The following PPM1B variants were observed in gnomAD, a reference collection of about 807,000 sequenced individuals.
PPM1B encodes protein phosphatase, Mg2+/Mn2+ dependent 1B.
PPM1B carries 22 observed loss-of-function variants against 43.0 expected under a neutral mutation model. The observed-to-expected ratio is 0.51, with a 90% CI of 0.37 to 0.73. PPM1B has a LOEUF of 0.73. PPM1B is among the 30% of genes least tolerant of loss of function. The pLI is 0.00. For missense variants in PPM1B, 632 were observed against 584.2 expected (o/e 1.08, Z -0.84); for synonymous variants, 217 against 197.9 (o/e 1.10, Z -0.81).
chr2:44,235,125 A>G (rs1408982382), downstream of PPM1B, among the ~76,000 whole-genome samples: 1 of 152,196 alleles, frequency 6.6e-6, no homozygotes, highest in Non-Finnish European at 1.5e-5. Context: ...GTGAAATCGG[A>G]AAGTTTATTA....
Position 44,201,999 on chromosome 2 carries a change from A to C in PPM1B, c.800A>C (p.Asp267Ala). ...YVKSRLEVSD[D>A]LENVCNWVVD... ...AAATCTAGGCTTGAGGTATCTGATG[A>C]CCTGGAAAATGTGTGCAATTGGGTA... The change falls in exon 2 of 6, where the codon GAC becomes GCC. Residue 267 changes from aspartate to alanine, a missense_variant. Physicochemically the swap from Asp to Ala is moderately radical, Grantham distance 126. This residue lies in a region of PPM1B where 392 missense variants were observed against 302.7 expected (regional missense o/e 1.29). Coordinates refer to ENST00000282412, the MANE Select transcript of PPM1B (RefSeq NM_002706.6). The surrounding 1 kb of genome is among the most constrained non-coding windows in gnomAD (Gnocchi z 5.4). The C allele has an allele frequency of 6.2e-7, 1 of 1,610,578 alleles. No homozygotes were observed. Among genetic ancestry groups the C allele is most frequent in the Non-Finnish European group, 8.5e-7 (1 of 1,178,198 alleles).
At chr2:44,188,912 G>GT in intron 1 of PPM1B, among the ~76,000 whole-genome samples, 1 of 151,754 alleles carries the variant, frequency 6.6e-6, no homozygotes, top group East Asian at 1.9e-4. Context: ...GCCAATTTGG[G>GT]TTTTTTGTTG....
intron 5 of PPM1B, among the ~76,000 whole-genome samples, chr2:44,225,901 C>T (rs1190894395): frequency 6.6e-6 from 1 of 151,960 alleles, no homozygotes; most frequent in Non-Finnish European, 1.5e-5. Flanking sequence ...AGTGATCCAC[C>T]TACCTCGGCC....
At chr2:44,244,288 A>T (rs1402453142) in exon 6 of PPM1B, 1 of 1,360,634 alleles carries the variant, frequency 7.3e-7, no homozygotes, top group Non-Finnish European at 9.8e-7. Flanking sequence ...CAAGAAAGGC[A>T]GTGGCTGGCA....
At chr2:44,234,121 G>GGTTGGCATATTTC (rs1558435594), downstream of PPM1B, 2 of 966,224 alleles carry the variant, frequency 2.1e-6, no homozygotes, top group East Asian at 2.3e-4. Flanking sequence ...CTTCTTATAT[G>GGTTGGCATATTTC]GTTGGCATAT....
intron 1 of PPM1B, among the ~76,000 whole-genome samples, chr2:44,200,139 A>G (rs1668865536): frequency 6.6e-6 from 1 of 152,176 alleles, no homozygotes; most frequent in Non-Finnish European, 1.5e-5. Context: ...TATGGTGTTT[A>G]TTGTGTTTTA....
At chr2:44,217,917 A>G (rs974324082) in intron 3 of PPM1B, 50 bp from the exon 4 acceptor site, 1 of 1,103,386 alleles carries the variant, frequency 9.1e-7, no homozygotes, top group East Asian at 2.7e-5. Flanking sequence ...CTTCTTGGTG[A>G]GTACTGGCTT....
At chr2:44,225,699 G>A (rs915892762) in intron 5 of PPM1B, among the ~76,000 whole-genome samples, 1 of 151,914 alleles carries the variant, frequency 6.6e-6, no homozygotes, top group Non-Finnish European at 1.5e-5. Context: ...CCCTGTCACC[G>A]AGGCTGTAAT....
intron 5 of PPM1B, among the ~76,000 whole-genome samples, chr2:44,221,000 G>GAGACC (rs1384268438): frequency 2.6e-5 from 4 of 152,318 alleles, no homozygotes; most frequent in African/African-American, 9.6e-5. Flanking sequence ...TACTTGCTAA[G>GAGACC]AGACCAGCCT....
At chr2:44,232,761 C>T, downstream of PPM1B, 1 of 988,838 alleles carries the variant, frequency 1.0e-6, no homozygotes, top group Non-Finnish European at 1.2e-6. Flanking sequence ...ATGATATGTT[C>T]CTTTTTTCAG....
intron 2 of PPM1B, among the ~76,000 whole-genome samples, chr2:44,205,406 T>G (rs1413786622): frequency 7.1e-6 from 1 of 141,782 alleles, no homozygotes; most frequent in Non-Finnish European, 1.6e-5. Context: ...TCGGTTTTCA[T>G]GGTCTGAGAA....
In PPM1B at chr2:44,225,415, A is replaced by C. The variant is rs140576065; in HGVS notation, c.1135-4998A>C. The stretch of plus-strand genomic sequence containing the variant: ...TAGGTTTCTCTTCTAATATTAATGA[A>C]AGCCCATGAGAGAGTTACATAACAG... On this transcript the variant is annotated intron_variant, in intron 5 of 5. Transcript: ENST00000282412. 4.4e-3 allele frequency among the ~76,000 whole-genome samples: 666 copies of C among 152,304 alleles called. 7 individuals carry two copies. Among genetic ancestry groups the C allele is most frequent in the African/African-American group, 0.015 (604 of 41,576 alleles).
intron 1 of PPM1B, among the ~76,000 whole-genome samples, chr2:44,194,151 T>A (rs969191581): frequency 1.3e-5 from 2 of 152,194 alleles, no homozygotes; most frequent in East Asian, 3.8e-4. Flanking sequence ...GATTCCTTTT[T>A]CTTTGTTTGA....
At position 44,202,011 on chromosome 2, in the gene PPM1B, T is replaced by C. The variant is rs778985036; in HGVS notation, c.812T>C (p.Val271Ala). Residue 271 changes from valine (V) to alanine (A), a missense_variant, in exon 2 of 6, where the codon GTG becomes GCG. This residue lies in a region of PPM1B where 392 missense variants were observed against 302.7 expected (regional missense o/e 1.29). Coordinates refer to ENST00000282412, the MANE Select transcript of PPM1B (RefSeq NM_002706.6). ...RLEVSDDLEN[V>A]CNWVVDTCLH... is the part of the protein sequence containing the mutation. ...GAGGTATCTGATGACCTGGAAAATG[T>C]GTGCAATTGGGTAGTGGACACTTGT... 11 of 1,607,540 alleles carry C rather than the reference T, an allele frequency of 6.8e-6. No homozygotes were observed. The South Asian group carries it at 7.8e-5, about 11-fold the overall frequency.
chr2:44,195,400 T>C (rs889413401), intron 1 of PPM1B, among the ~76,000 whole-genome samples: 1 of 152,004 alleles, frequency 6.6e-6, no homozygotes, highest in Admixed American at 6.6e-5. Flanking sequence ...TTGGTAGAGA[T>C]AGGGTCTTGC....
intron 2 of PPM1B, 21 bp from the exon 3 acceptor site, chr2:44,209,189 T>C (rs1432753303): frequency 6.5e-7 from 1 of 1,533,880 alleles, no homozygotes; most frequent in Non-Finnish European, 8.8e-7. Flanking sequence ...ATTTTTTTTC[T>C]TTTTTTTCTT....
intron 1 of PPM1B, among the ~76,000 whole-genome samples, chr2:44,185,504 A>T (rs988607884): frequency 1.3e-5 from 2 of 152,160 alleles, no homozygotes; most frequent in African/African-American, 4.8e-5. Context: ...TTTATGAACT[A>T]TATTTTTCTT....
chr2:44,232,476 A>G, downstream of PPM1B: 1 of 1,526,928 alleles, frequency 6.5e-7, no homozygotes. Flanking sequence ...GCAGAAAATC[A>G]TTAGCATTTC....
chr2:44,178,736 C>A (rs998574971), intron 1 of PPM1B, among the ~76,000 whole-genome samples: 2 of 151,968 alleles, frequency 1.3e-5, no homozygotes, highest in Non-Finnish European at 2.9e-5. Flanking sequence ...TCCCAAAGTG[C>A]TGGGATTACA....
Sources: allele counts gnomAD v4.1 joint callset (sites outside exome capture counted in the v4.1 genomes callset), GRCh38; gene constraint gnomAD v4.1.1; regional missense constraint gnomAD v4.1.1; non-coding constraint Gnocchi (gnomAD v3.1); transcripts MANE v1.5; gene names NCBI Gene and HGNC (gene_info 2026-07-23, HGNC 2026-07-21).